Variants in AGPAT3 observed in about 807,000 individuals in gnomAD.
AGPAT3 encodes 1-acylglycerol-3-phosphate O-acyltransferase 3, also known as 1-acyl-sn-glycerol-3-phosphate acyltransferase gamma.
A neutral mutation model predicts 47.3 loss-of-function variants in AGPAT3; 5 were observed. The ratio of observed to expected loss-of-function variants is 0.11; its 90% CI spans 0.06 to 0.22. The LOEUF (loss-of-function observed/expected upper bound fraction) is 0.22, where lower values mean the gene tolerates loss of function less well. AGPAT3 is among the 10% of genes least tolerant of loss of function. AGPAT3 has a pLI of 1.00. For missense variants in AGPAT3, 315 were observed against 493.0 expected (o/e 0.64, Z 3.42); for synonymous variants, 212 against 208.3 (o/e 1.02, Z -0.15).
Position 43,984,998 on chromosome 21 carries a change from T to C in AGPAT3, c.*2606T>C, listed in dbSNP as rs1183763155. 6 of 418,430 alleles carry C rather than the reference T, an allele frequency of 1.4e-5. No homozygotes were observed. The highest frequency in any genetic ancestry group is 1.3e-4 in the Admixed American group (5 of 37,108). 25.9% of individuals were successfully genotyped at this position (418,430 alleles called of 1,614,324 possible). On this transcript the variant is annotated 3_prime_UTR_variant, in exon 10 of 10. Coordinates refer to ENST00000291572, the MANE Select transcript of AGPAT3 (RefSeq NM_020132.5). ...AGCCAGGCCGAGGACAGGAAGGGCATTGCTGGCCTGTAGCTCCTGTTACCC... is the reference window on the plus strand; with the variant it reads ...AGCCAGGCCGAGGACAGGAAGGGCACTGCTGGCCTGTAGCTCCTGTTACCC...
intron 8 of AGPAT3, among the ~76,000 whole-genome samples, chr21:43,980,436 A>T (rs916718305): frequency 2.6e-5 from 4 of 152,158 alleles, no homozygotes; most frequent in Non-Finnish European, 5.9e-5. Context: ...TGCCTTTGAC[A>T]TTCCCACCAG....
chr21:43,935,197 C>T (rs1234543004), intron 2 of AGPAT3, among the ~76,000 whole-genome samples: 1 of 152,286 alleles, frequency 6.6e-6, no homozygotes, highest in East Asian at 1.9e-4. Context: ...GCACGCTTTG[C>T]TGTGCGGGCA....
At chr21:43,878,520 T>C (rs1463274876) in intron 1 of AGPAT3, among the ~76,000 whole-genome samples, 2 of 152,216 alleles carry the variant, frequency 1.3e-5, no homozygotes, top group East Asian at 1.9e-4. Flanking sequence ...GTTATAAATA[T>C]GATGGGCATC....
At chr21:43,946,165 C>T (rs562212513) in intron 2 of AGPAT3, among the ~76,000 whole-genome samples, 2 of 152,348 alleles carry the variant, frequency 1.3e-5, no homozygotes, top group South Asian at 4.1e-4. Context: ...CCTCAGGTCT[C>T]TGATGGGATG....
At chr21:43,980,288 A>AG (rs2089797778) in intron 8 of AGPAT3, among the ~76,000 whole-genome samples, 1 of 149,450 alleles carries the variant, frequency 6.7e-6, no homozygotes, top group African/African-American at 2.5e-5. Flanking sequence ...AAAAAAAAAA[A>AG]AAACAAAAAA....
intron 8 of AGPAT3, among the ~76,000 whole-genome samples, chr21:43,979,460 C>T (rs1032668123): frequency 3.3e-5 from 5 of 152,146 alleles, no homozygotes; most frequent in African/African-American, 7.2e-5. Context: ...CCTGAAGTCT[C>T]GTGCTGTGAT....
At chr21:43,974,016 T>C (rs1010224401) in intron 7 of AGPAT3, among the ~76,000 whole-genome samples, 33 of 151,980 alleles carry the variant, frequency 2.2e-4, no homozygotes, top group Admixed American at 4.6e-4. Context: ...TGTTTCATAA[T>C]GTATGTAACA....
rs778820075 is a variant in AGPAT3, at chr21:43,987,545, T to C, written c.*5153T>C. ...TGTGGAGAAAACCAAGGAACCCCTT[T>C]CTCTTCTTTATTAAAAAGCAAAACA... On this transcript the variant is annotated 3_prime_UTR_variant, in exon 10 of 10. Coordinates refer to ENST00000291572, the MANE Select transcript of AGPAT3 (RefSeq NM_020132.5). 1.6e-4 allele frequency among the ~76,000 whole-genome samples: 25 copies of C among 152,250 alleles called. No homozygotes were observed. Among genetic ancestry groups the C allele is most frequent in the Non-Finnish European group, 2.5e-4 (17 of 68,040 alleles).
intron 1 of AGPAT3, among the ~76,000 whole-genome samples, chr21:43,872,480 G>A (rs557539691): frequency 6.6e-6 from 1 of 152,262 alleles, no homozygotes; most frequent in Admixed American, 6.5e-5. Flanking sequence ...CGCGCCGGCC[G>A]TAAATGGTGT....
intron 3 of AGPAT3, among the ~76,000 whole-genome samples, chr21:43,962,878 A>C (rs1156302210): frequency 7.9e-6 from 1 of 126,244 alleles, no homozygotes; most frequent in Non-Finnish European, 1.8e-5. Flanking sequence ...TAAACAGCAG[A>C]TGTGGACTGA....
At chr21:43,866,820 T>C (rs994142691) in intron 1 of AGPAT3, among the ~76,000 whole-genome samples, 6 of 152,228 alleles carry the variant, frequency 3.9e-5, no homozygotes, top group African/African-American at 1.4e-4. Flanking sequence ...GTGGTCACCC[T>C]ACCTGTGCGT....
chr21:43,926,019 C>G (rs778919219), intron 2 of AGPAT3, among the ~76,000 whole-genome samples: 1 of 152,202 alleles, frequency 6.6e-6, no homozygotes, highest in South Asian at 2.1e-4. Context: ...TTTCAGTGTC[C>G]GATGGAGAAG....
At chr21:43,953,429 G>A (rs569551693) in intron 2 of AGPAT3, among the ~76,000 whole-genome samples, 8 of 152,354 alleles carry the variant, frequency 5.3e-5, no homozygotes, top group East Asian at 3.9e-4. Context: ...GTGCCGTGAC[G>A]TAGCCCAGGA....
chr21:43,931,627 G>T (rs558683980), intron 2 of AGPAT3, among the ~76,000 whole-genome samples: 3 of 151,684 alleles, frequency 2.0e-5, no homozygotes, highest in African/African-American at 4.8e-5. Context: ...CCGTTAGTGC[G>T]ACTCCCAGGC....
At chr21:43,882,203 C>T (rs889075326) in intron 1 of AGPAT3, among the ~76,000 whole-genome samples, 1 of 152,266 alleles carries the variant, frequency 6.6e-6, no homozygotes, top group African/African-American at 2.4e-5. Context: ...GGCCCCACAT[C>T]TCCTTTGCAT....
intron 2 of AGPAT3, among the ~76,000 whole-genome samples, chr21:43,941,698 G>T (rs964665304): frequency 1.3e-5 from 2 of 152,252 alleles, no homozygotes; most frequent in African/African-American, 2.4e-5. Flanking sequence ...TGGGGCTACC[G>T]CGAGTGTGAC....
At chr21:43,961,655 CAT>C (rs34273276) in intron 3 of AGPAT3, among the ~76,000 whole-genome samples, 6,725 of 151,444 alleles carry the variant, frequency 0.044, 228 homozygotes, top group Middle Eastern at 0.075. Flanking sequence ...CGCTTTGTCT[CAT>C]GTGGGAAATG....
At chr21:43,871,788 T>C (rs1475409103) in intron 1 of AGPAT3, among the ~76,000 whole-genome samples, 1 of 152,252 alleles carries the variant, frequency 6.6e-6, no homozygotes, top group Non-Finnish European at 1.5e-5. Context: ...TATATTTCCT[T>C]ATAGATTCAG....
At chr21:43,957,958 G>C (rs1352987352) in intron 2 of AGPAT3, among the ~76,000 whole-genome samples, 1 of 152,200 alleles carries the variant, frequency 6.6e-6, no homozygotes, top group African/African-American at 2.4e-5. Context: ...GAGCCCCTGG[G>C]GAGTCGCTCC....
Sources: allele counts gnomAD v4.1 joint callset (sites outside exome capture counted in the v4.1 genomes callset), GRCh38; gene constraint gnomAD v4.1.1; transcripts MANE v1.5; gene names NCBI Gene and HGNC (gene_info 2026-07-23, HGNC 2026-07-21).